Variants in ROR2 observed in about 807,000 individuals in gnomAD.
ROR2 encodes the protein ROR family WNT receptor 2.
Under a neutral mutation model 74.9 loss-of-function variants are expected in ROR2, and 33 were observed. The observed-to-expected ratio is 0.44, with a 90% CI of 0.33 to 0.59. ROR2 has a LOEUF of 0.59. Ranked by LOEUF, ROR2 falls within the 20% of genes least tolerant of loss-of-function variation. The probability of loss-of-function intolerance (pLI) is 0.02; values close to 1 mark genes in which losing one functional copy is unlikely to be tolerated. For synonymous variants in ROR2, 586 were observed against 558.7 expected, an observed-to-expected ratio of 1.05 and a Z score of -0.69; for missense variants, 1,216 against 1,313.8, an observed-to-expected ratio of 0.93 and a Z score of 1.15.
At chr9:91,867,656 C>CTGTGTGTGTGTGTGTGTGTGTGTGTG (rs57475950) in intron 1 of ROR2, among the ~76,000 whole-genome samples, 16 of 131,380 alleles carry the variant, frequency 1.2e-4, no homozygotes, top group Non-Finnish European at 1.8e-4. Flanking sequence ...CACCCATGAG[C>CTGTGTGTGTGTGTGTGTGTGTGTGTG]TGTGTGTGTG....
chr9:91,738,421 T>C (rs1176324787), intron 4 of ROR2, among the ~76,000 whole-genome samples: 1 of 152,174 alleles, frequency 6.6e-6, no homozygotes, highest in East Asian at 1.9e-4. Context: ...GGGATGGGTA[T>C]GTGTTTGTGT....
At chr9:91,836,154 T>TGGTG (rs1306537415) in intron 1 of ROR2, among the ~76,000 whole-genome samples, 1 of 152,134 alleles carries the variant, frequency 6.6e-6, no homozygotes, top group Non-Finnish European at 1.5e-5. Context: ...TGTCATCTGG[T>TGGTG]GGTGGGATTC....
chr9:91,867,656 C>CTG (rs57475950), intron 1 of ROR2, among the ~76,000 whole-genome samples: 6,884 of 131,278 alleles, frequency 0.052, 185 homozygotes, highest in South Asian at 0.066. Flanking sequence ...CACCCATGAG[C>CTG]TGTGTGTGTG....
chr9:91,926,470 C>T (rs1458182148), intron 1 of ROR2, among the ~76,000 whole-genome samples: 1 of 145,020 alleles, frequency 6.9e-6, no homozygotes, highest in South Asian at 2.2e-4. Flanking sequence ...TGCTTGAACC[C>T]GGGAGGTGGA....
chr9:91,918,680 G>A (rs1831195969), intron 1 of ROR2, among the ~76,000 whole-genome samples: 1 of 152,124 alleles, frequency 6.6e-6, no homozygotes, highest in African/African-American at 2.4e-5. Context: ...CTTAAAAACT[G>A]GTGAATTGTA....
At chr9:91,912,419 A>G (rs893118815) in intron 1 of ROR2, among the ~76,000 whole-genome samples, 24 of 152,220 alleles carry the variant, frequency 1.6e-4, no homozygotes, top group South Asian at 4.1e-4. Flanking sequence ...GAGGTAATGG[A>G]TATTGCAATT....
rs76380061 is a variant in ROR2 at position 91,785,201 on chromosome 9, T to C, written c.98-9383A>G. ...TCCCCTGCAGTTTGCATTTATTCTT[T>C]CCTCTGCCTGGAAAATGCTTCCCCA... On this transcript the variant is annotated intron_variant, in intron 1 of 8. Coordinates refer to ENST00000375708, the MANE Select transcript of ROR2 (RefSeq NM_004560.4). Among the ~76,000 whole-genome samples, 714 of 152,332 alleles carry C rather than the reference T, an allele frequency of 4.7e-3. 5 individuals are homozygous for C. The highest frequency in any genetic ancestry group is 0.016 in the African/African-American group (671 of 41,574).
chr9:91,903,438 A>T (rs1424750520), intron 1 of ROR2, among the ~76,000 whole-genome samples: 1 of 151,810 alleles, frequency 6.6e-6, no homozygotes, highest in Non-Finnish European at 1.5e-5. Flanking sequence ...AGGCTGCTGG[A>T]GTGGTCTGTG....
At chr9:91,780,134 G>A (rs1198743986) in intron 1 of ROR2, among the ~76,000 whole-genome samples, 1 of 152,212 alleles carries the variant, frequency 6.6e-6, no homozygotes, top group African/African-American at 2.4e-5. Context: ...GCTCACGCCT[G>A]TAATCCCATC....
intron 6 of ROR2, among the ~76,000 whole-genome samples, chr9:91,731,931 C>CA (rs966810317): frequency 1.3e-5 from 2 of 152,016 alleles, no homozygotes; most frequent in African/African-American, 4.8e-5. Flanking sequence ...ACAAAACAAA[C>CA]AAAAAAACCA....
At chr9:91,785,719 C>T (rs866228891) in intron 1 of ROR2, among the ~76,000 whole-genome samples, 12 of 152,284 alleles carry the variant, frequency 7.9e-5, no homozygotes, top group Middle Eastern at 6.8e-3. Context: ...CCCTGCGACA[C>T]GGCTCTGTGG....
At chr9:91,929,544 G>C (rs75117900) in intron 1 of ROR2, among the ~76,000 whole-genome samples, 4,448 of 152,262 alleles carry the variant, frequency 0.029, 102 homozygotes, top group South Asian at 0.061. Flanking sequence ...GTCATGTTTA[G>C]AGACACAAAA....
At chr9:91,855,478 G>C (rs144435063) in intron 1 of ROR2, among the ~76,000 whole-genome samples, 2 of 152,226 alleles carry the variant, frequency 1.3e-5, no homozygotes, top group Admixed American at 1.3e-4. Flanking sequence ...GCCGAGAAGG[G>C]AGGGGTGAAG....
intron 1 of ROR2, among the ~76,000 whole-genome samples, chr9:91,865,294 C>T (rs1362511836): frequency 3.3e-5 from 5 of 152,178 alleles, no homozygotes; most frequent in African/African-American, 1.2e-4. Context: ...TGACGCCTCT[C>T]CTACTCTGGG....
chr9:91,849,272 T>C (rs10992131), intron 1 of ROR2, among the ~76,000 whole-genome samples: 60,703 of 152,094 alleles, frequency 0.4, 14,161 homozygotes, highest in African/African-American at 0.63. Context: ...GATTTCAACA[T>C]GGAGAATCAA....
At chr9:91,761,214 G>C (rs1272576604) in intron 2 of ROR2, among the ~76,000 whole-genome samples, 1 of 152,304 alleles carries the variant, frequency 6.6e-6, no homozygotes, top group East Asian at 1.9e-4. Context: ...CAGTCCCATA[G>C]ACCAGTGGTC....
intron 1 of ROR2, among the ~76,000 whole-genome samples, chr9:91,925,065 TG>T (rs1831361854): frequency 6.6e-6 from 1 of 152,114 alleles, no homozygotes; most frequent in Admixed American, 6.5e-5. Context: ...TTGCCCAGGC[TG>T]GTCTCAAACT....
At chr9:91,897,094 T>TA (rs1254596619) in intron 1 of ROR2, among the ~76,000 whole-genome samples, 2 of 152,336 alleles carry the variant, frequency 1.3e-5, no homozygotes, top group Middle Eastern at 3.4e-3. Context: ...GTAGACCCCG[T>TA]AAGTGCATAG....
intron 1 of ROR2, among the ~76,000 whole-genome samples, chr9:91,880,057 A>C (rs189909327): frequency 6.0e-4 from 92 of 152,306 alleles, no homozygotes; most frequent in Middle Eastern, 3.4e-3. Flanking sequence ...GTAACCTCCC[A>C]TAGCTCAGAA....
Sources: gnomAD v4.1 joint callset for allele counts (sites outside exome capture counted in the v4.1 genomes callset) on GRCh38, gnomAD v4.1.1 for gene constraint, MANE v1.5 for transcripts, NCBI Gene and HGNC (gene_info 2026-07-23, HGNC 2026-07-21) for gene names.